GRIK4: variants seen among roughly 807,000 people sequenced by gnomAD.
The protein encoded by GRIK4 is glutamate ionotropic receptor kainate type subunit 4.
GRIK4 carries 40 observed loss-of-function variants against 104.9 expected under a neutral mutation model. That is an observed-to-expected ratio of 0.38 (90% confidence interval 0.30 to 0.50). GRIK4 has a LOEUF of 0.50. Ranked by LOEUF, GRIK4 falls within the 20% of genes least tolerant of loss-of-function variation. The probability of loss-of-function intolerance (pLI) is 0.93; values close to 1 mark genes in which losing one functional copy is unlikely to be tolerated. For missense variants in GRIK4, 1,047 were observed against 1,308.1 expected (o/e 0.80, Z 3.08); for synonymous variants, 485 against 524.9 (o/e 0.92, Z 1.04).
rs531965894 is a variant in GRIK4 at position 120,590,156 on chromosome 11, G to C, written c.-158-63529G>C. Among the ~76,000 whole-genome samples, 23 of 152,244 alleles carry C rather than the reference G, an allele frequency of 1.5e-4. No individual in the cohort carries two copies. The South Asian group carries it at 2.9e-3, about 19-fold the overall frequency. ...TTCTTTCTCTTTAGTGTTTCAACCAGAGCCTTCACCTTACCCCTGACCCTG... is the reference window on the plus strand; with the variant it reads ...TTCTTTCTCTTTAGTGTTTCAACCACAGCCTTCACCTTACCCCTGACCCTG... On this transcript the variant is annotated intron_variant, in intron 1 of 20. Transcript: ENST00000527524.
intron 13 of GRIK4, among the ~76,000 whole-genome samples, chr11:120,932,347 G>A (rs540454856): frequency 1.9e-3 from 287 of 152,270 alleles, no homozygotes; most frequent in African/African-American, 6.4e-3. Flanking sequence ...GGAGGAAACA[G>A]GCGGGGAGGG....
intron 1 of GRIK4, among the ~76,000 whole-genome samples, chr11:120,516,526 G>C (rs1947726685): frequency 6.6e-6 from 1 of 152,014 alleles, no homozygotes. Flanking sequence ...GAATCCAAGA[G>C]GGCCCTGGCC....
At chr11:120,785,781 A>T (rs1040966229) in intron 3 of GRIK4, among the ~76,000 whole-genome samples, 2 of 152,198 alleles carry the variant, frequency 1.3e-5, no homozygotes, top group African/African-American at 4.8e-5. Context: ...GCGCCTGAGC[A>T]GCTTGATTCT....
At position 120,952,835 on chromosome 11, in the gene GRIK4, G is replaced by A; in HGVS notation, c.1591-20G>A. On this transcript the variant is annotated intron_variant, in intron 14 of 20. Coordinates refer to ENST00000527524, the MANE Select transcript of GRIK4 (RefSeq NM_014619.5). This position sits in a 1 kb window ranked among gnomAD's most constrained non-coding sequence, Gnocchi z 5.2. ...TGACTGAATATGTGCGGTGAATCTT[G>A]TTTTTCTCTCCATTTCCAGGGACGC... is the stretch of plus-strand genomic sequence containing the variant. 6.4e-7 allele frequency: 1 copy of A among 1,553,720 alleles called. No individual in the cohort carries two copies. Among genetic ancestry groups the A allele is most frequent in the Non-Finnish European group, 8.9e-7 (1 of 1,124,884 alleles).
chr11:120,814,851 C>A (rs1444617811), intron 4 of GRIK4, among the ~76,000 whole-genome samples: 1 of 152,200 alleles, frequency 6.6e-6, no homozygotes, highest in African/African-American at 2.4e-5. Flanking sequence ...CATTTTCTTT[C>A]CCTTTTTCTT....
chr11:120,674,329 C>T (rs896662623), intron 3 of GRIK4, among the ~76,000 whole-genome samples: 6 of 152,206 alleles, frequency 3.9e-5, no homozygotes, highest in Non-Finnish European at 5.9e-5. Flanking sequence ...CCTTGTTGAA[C>T]CCATTCCCAC....
intron 15 of GRIK4, among the ~76,000 whole-genome samples, chr11:120,954,089 C>T (rs1048813835): frequency 6.6e-6 from 1 of 152,036 alleles, no homozygotes; most frequent in African/African-American, 2.4e-5. Flanking sequence ...GATGGGGGCA[C>T]TTGGGGATGG....
Position 120,831,958 on chromosome 11 carries a change from G to T in GRIK4, c.618G>T (p.Glu206Asp), listed in dbSNP as rs1297057881. The T allele has an allele frequency of 6.2e-7, 1 of 1,613,988 alleles. No individual in the cohort carries two copies. Among genetic ancestry groups the T allele is most frequent in the East Asian group, 2.2e-5 (1 of 44,852 alleles). Residue 206 changes from glutamate (E) to aspartate (D), a missense_variant, in exon 7 of 21, where the codon GAG becomes GAT. By Grantham distance (45) the Glu-to-Asp change is conservative. Coordinates refer to ENST00000527524, the MANE Select transcript of GRIK4 (RefSeq NM_014619.5). ...GGGACCCCACCCCGCTCCTCAAGGA[G>T]ATCCGGGACGACAAGACCGCCACCA... Reference protein sequence around the residue: ...DTRDPTPLLKEIRDDKTATII... With the variant: ...DTRDPTPLLKDIRDDKTATII...
At chr11:120,857,327 A>G (rs1429580867) in intron 8 of GRIK4, among the ~76,000 whole-genome samples, 1 of 152,196 alleles carries the variant, frequency 6.6e-6, no homozygotes, top group Non-Finnish European at 1.5e-5. Context: ...TGCTGCAGAA[A>G]GTGAGGGGCG....
intron 11 of GRIK4, among the ~76,000 whole-genome samples, chr11:120,880,971 C>T (rs1457468222): frequency 1.3e-5 from 2 of 152,190 alleles, no homozygotes; most frequent in Non-Finnish European, 2.9e-5. Flanking sequence ...AAGGCAAAAA[C>T]TGCAGCCAGG....
At chr11:120,753,340 T>TGTGCGTGC (rs1555055680) in intron 3 of GRIK4, among the ~76,000 whole-genome samples, 1 of 147,606 alleles carries the variant, frequency 6.8e-6, no homozygotes, top group Non-Finnish European at 1.5e-5. Flanking sequence ...TGTGTGTGTG[T>TGTGCGTGC]GTGCAGGGTG....
chr11:120,546,232 G>A (rs1020251162), intron 1 of GRIK4, among the ~76,000 whole-genome samples: 1 of 152,176 alleles, frequency 6.6e-6, no homozygotes, highest in African/African-American at 2.4e-5. Context: ...TGCTGTTCCT[G>A]TTGAATTGGT....
At chr11:120,557,212 G>T (rs1258564957) in intron 1 of GRIK4, among the ~76,000 whole-genome samples, 1 of 152,190 alleles carries the variant, frequency 6.6e-6, no homozygotes, top group Admixed American at 6.5e-5. Context: ...TTCAGAAGGA[G>T]CCCCTCCCTT....
At chr11:120,638,023 G>A (rs1949421372) in intron 1 of GRIK4, among the ~76,000 whole-genome samples, 1 of 151,966 alleles carries the variant, frequency 6.6e-6, no homozygotes, top group African/African-American at 2.4e-5. Context: ...GGGATTACAG[G>A]CACCCACCAC....
chr11:120,782,372 G>A (rs1333828503), intron 3 of GRIK4, among the ~76,000 whole-genome samples: 2 of 148,340 alleles, frequency 1.3e-5, no homozygotes, highest in Non-Finnish European at 3.0e-5. Context: ...TGCAAGCTCC[G>A]CCTCCCGGGT....
intron 19 of GRIK4, among the ~76,000 whole-genome samples, chr11:120,971,247 C>T (rs1944470431): frequency 6.6e-6 from 1 of 152,134 alleles, no homozygotes; most frequent in Non-Finnish European, 1.5e-5. Flanking sequence ...TTGACATTTT[C>T]CCCCCTATAG....
intron 1 of GRIK4, among the ~76,000 whole-genome samples, chr11:120,573,844 G>A (rs1948437934): frequency 6.6e-6 from 1 of 152,218 alleles, no homozygotes; most frequent in Admixed American, 6.5e-5. Context: ...TGGGCTTACA[G>A]CCAAGCCAGG....
intron 1 of GRIK4, among the ~76,000 whole-genome samples, chr11:120,564,016 A>G (rs954189226): frequency 6.6e-6 from 1 of 151,588 alleles, no homozygotes; most frequent in Non-Finnish European, 1.5e-5. Context: ...AGCCTTTGAA[A>G]GGTTAGGGGG....
rs1942751547 is a variant in GRIK4, at chr11:120,902,058, C to A, written c.1273-3232C>A. Among the ~76,000 whole-genome samples the A allele has an allele frequency of 6.6e-6, 1 of 152,166 alleles. No individual in the cohort carries two copies. Among genetic ancestry groups the A allele is most frequent in the South Asian group, 2.1e-4 (1 of 4,822 alleles). On this transcript the variant is annotated intron_variant, in intron 12 of 20. Transcript: ENST00000527524. This position sits in a 1 kb window ranked among gnomAD's most constrained non-coding sequence, Gnocchi z 4.5. ...CGATCTTAATTCAGTTCCCAGGTGA[C>A]CATCTGTGGGTTTTCCCTGGCAAAT...
Sources: gnomAD v4.1 joint callset for allele counts (sites outside exome capture counted in the v4.1 genomes callset) on GRCh38, gnomAD v4.1.1 for gene constraint, Gnocchi (gnomAD v3.1) non-coding constraint, MANE v1.5 for transcripts, NCBI Gene and HGNC (gene_info 2026-07-23, HGNC 2026-07-21) for gene names.